Variants in EPHA5 observed in about 807,000 individuals in gnomAD.
EPHA5 encodes EPH receptor A5, also known as ephrin type-A receptor 5.
EPHA5 carries 60 observed loss-of-function variants against 105.0 expected under a neutral mutation model. The ratio of observed to expected loss-of-function variants is 0.57; its 90% CI spans 0.46 to 0.71. The LOEUF is 0.71. EPHA5 is among the 30% of genes least tolerant of loss of function. EPHA5 has a pLI of 0.00. For synonymous variants in EPHA5, 513 were observed against 449.1 expected, an observed-to-expected ratio of 1.14 and a Z score of -1.80; for missense variants, 1,218 against 1,274.7, an observed-to-expected ratio of 0.96 and a Z score of 0.68.
intron 5 of EPHA5, among the ~76,000 whole-genome samples, chr4:65,423,783 G>A (rs1273478154): frequency 6.6e-6 from 1 of 151,330 alleles, no homozygotes; most frequent in Non-Finnish European, 1.5e-5. Flanking sequence ...TCTGTAAGGA[G>A]CACTGGTTTC....
intron 5 of EPHA5, among the ~76,000 whole-genome samples, chr4:65,467,864 G>A (rs1287713515): frequency 1.3e-5 from 2 of 152,172 alleles, no homozygotes; most frequent in Admixed American, 1.3e-4. Context: ...GGCTGAAGAT[G>A]AGGTCAGGGC....
intron 5 of EPHA5, among the ~76,000 whole-genome samples, chr4:65,470,164 T>A (rs1729143767): frequency 6.6e-6 from 1 of 151,694 alleles, no homozygotes. Flanking sequence ...ACTGAAGAAG[T>A]CTGTGAAGAG....
chr4:65,409,743 TGTAA>T (rs1324539676), intron 7 of EPHA5, among the ~76,000 whole-genome samples: 4 of 152,208 alleles, frequency 2.6e-5, no homozygotes, highest in African/African-American at 9.6e-5. Flanking sequence ...TAATAAGTAA[TGTAA>T]GTATGTAGAA....
chr4:65,556,160 AC>A (rs1738418147), intron 3 of EPHA5, among the ~76,000 whole-genome samples: 1 of 152,198 alleles, frequency 6.6e-6, no homozygotes, highest in Non-Finnish European at 1.5e-5. Flanking sequence ...CTACTGACAC[AC>A]CATTTCTGAA....
chr4:65,486,248 T>G (rs1420182636), intron 5 of EPHA5, among the ~76,000 whole-genome samples: 1 of 152,066 alleles, frequency 6.6e-6, no homozygotes, highest in Non-Finnish European at 1.5e-5. Flanking sequence ...TTTGAGATCA[T>G]TCATTTCCCC....
At position 65,420,519 on chromosome 4, in the gene EPHA5, GT is replaced by G. The variant is rs2149037138; in HGVS notation, c.1448del (p.Asn483ThrfsTer18). The G allele has an allele frequency of 6.2e-7, 1 of 1,612,988 alleles. No homozygotes were observed. ...GTTCTTGCCAAGACAAAGAGATGCTGTTTTTTGCAATTTTCCCTTTTTTCAC... is the reference window on the plus strand; with the variant it reads ...GTTCTTGCCAAGACAAAGAGATGCTGTTTTTGCAATTTTCCCTTTTTTCAC... ...TNVKKGKIAK[N>X]SISLSWQEPD... On this transcript the variant is annotated frameshift_variant, in exon 6 of 17. Coordinates refer to ENST00000613740, the MANE Select transcript of EPHA5 (RefSeq NM_001281766.3). LOFTEE classifies it high-confidence loss of function.
At chr4:65,454,311 A>G (rs1053396603) in intron 5 of EPHA5, among the ~76,000 whole-genome samples, 1 of 151,814 alleles carries the variant, frequency 6.6e-6, no homozygotes, top group Non-Finnish European at 1.5e-5. Flanking sequence ...AATAATAATA[A>G]TATGAACAGT....
intron 3 of EPHA5, among the ~76,000 whole-genome samples, chr4:65,513,424 T>TC (rs1389917233): frequency 6.6e-6 from 1 of 152,166 alleles, no homozygotes; most frequent in Non-Finnish European, 1.5e-5. Context: ...TCTCGCTCTG[T>TC]CGCCCAGGCT....
chr4:65,459,498 A>C (rs1336896918), intron 5 of EPHA5, among the ~76,000 whole-genome samples: 1 of 151,834 alleles, frequency 6.6e-6, no homozygotes, highest in African/African-American at 2.4e-5. Context: ...AAGTAGGAAT[A>C]ATTAGTTGAA....
chr4:65,663,443 T>G (rs1428318006), intron 1 of EPHA5, among the ~76,000 whole-genome samples: 1 of 151,944 alleles, frequency 6.6e-6, no homozygotes, highest in Non-Finnish European at 1.5e-5. Flanking sequence ...GGATACTGGA[T>G]GAAAATTTGA....
At chr4:65,668,635 G>C (rs1017394173) in intron 1 of EPHA5, among the ~76,000 whole-genome samples, 2 of 152,016 alleles carry the variant, frequency 1.3e-5, no homozygotes, top group Admixed American at 1.3e-4. Context: ...CACTGTTCCG[G>C]GAGCACGAAG....
chr4:65,410,260 A>G (rs1262917973), intron 7 of EPHA5, among the ~76,000 whole-genome samples: 1 of 152,236 alleles, frequency 6.6e-6, no homozygotes, highest in East Asian at 1.9e-4. Context: ...TATACACCAC[A>G]ATCTGGATCA....
intron 1 of EPHA5, among the ~76,000 whole-genome samples, chr4:65,651,604 TG>T (rs1183849174): frequency 6.6e-6 from 1 of 152,218 alleles, no homozygotes; most frequent in Non-Finnish European, 1.5e-5. Flanking sequence ...TATGCTTAAT[TG>T]TTTACTGCAA....
intron 14 of EPHA5, among the ~76,000 whole-genome samples, chr4:65,336,399 T>A (rs1721192209): frequency 6.6e-6 from 1 of 152,062 alleles, no homozygotes; most frequent in African/African-American, 2.4e-5. Context: ...TGGTGAAGGG[T>A]GATTTGTAAA....
At chr4:65,628,163 A>C (rs777964615) in intron 2 of EPHA5, among the ~76,000 whole-genome samples, 3 of 152,134 alleles carry the variant, frequency 2.0e-5, no homozygotes, top group Non-Finnish European at 4.4e-5. Context: ...TAATATGAAG[A>C]ATCCCAACTA....
chr4:65,585,552 A>T (rs2149405024), intron 3 of EPHA5, among the ~76,000 whole-genome samples: 1 of 151,994 alleles, frequency 6.6e-6, no homozygotes, highest in African/African-American at 2.4e-5. Context: ...ATTAGTAGAA[A>T]AGCTGAAATG....
chr4:65,539,616 C>T (rs900862348), intron 3 of EPHA5, among the ~76,000 whole-genome samples: 1 of 151,580 alleles, frequency 6.6e-6, no homozygotes, highest in Non-Finnish European at 1.5e-5. Context: ...ATATTGCTCC[C>T]TCACTCAAAG....
At chr4:65,443,007 T>C (rs370247529) in intron 5 of EPHA5, among the ~76,000 whole-genome samples, 2 of 152,146 alleles carry the variant, frequency 1.3e-5, no homozygotes, top group South Asian at 2.1e-4. Flanking sequence ...AAAGTCGCTA[T>C]TTGAACAAAC....
Position 65,365,112 on chromosome 4 carries a change from G to A in EPHA5, c.2078C>T (p.Thr693Ile), listed in dbSNP as rs2148888490. ...VAIKTLKVGY[T>I]EKQRRDFLGE... The stretch of plus-strand genomic sequence containing the variant: ...TAGGAAATCTCTGCGTTGCTTTTCA[G>A]TATAGCCTACTTTAAGGGTTTTGAT... The change falls in exon 11 of 17, where the codon ACT becomes ATT. Residue 693 changes from threonine (T) to isoleucine (I), a missense_variant. Thr to Ile is a moderately conservative substitution (Grantham distance 89). Coordinates refer to ENST00000613740, the MANE Select transcript of EPHA5 (RefSeq NM_001281766.3). The A allele has an allele frequency of 6.2e-7, 1 of 1,611,832 alleles. No homozygotes were observed.
Sources: gnomAD v4.1 joint callset for allele counts (sites outside exome capture counted in the v4.1 genomes callset) on GRCh38, gnomAD v4.1.1 for gene constraint, MANE v1.5 for transcripts, NCBI Gene and HGNC (gene_info 2026-07-23, HGNC 2026-07-21) for gene names.